The following MTMR14 variants were observed in gnomAD, a reference collection of about 807,000 sequenced individuals.
MTMR14 encodes phosphatidylinositol-3,5-bisphosphate 3-phosphatase MTMR14.
A neutral mutation model predicts 86.3 loss-of-function variants in MTMR14; 48 were observed. The ratio of observed to expected loss-of-function variants is 0.56; its 90% CI spans 0.44 to 0.71. The LOEUF (loss-of-function observed/expected upper bound fraction) is 0.71. MTMR14 is among the 30% of genes least tolerant of loss of function. The probability of loss-of-function intolerance (pLI) is 0.00; values close to 1 mark genes in which losing one functional copy is unlikely to be tolerated. For missense variants in MTMR14, 780 were observed against 834.6 expected (o/e 0.93, Z 0.81); for synonymous variants, 366 against 326.1 (o/e 1.12, Z -1.32).
Position 9,689,013 on chromosome 3 carries a change from G to C in MTMR14, c.1364G>C (p.Gly455Ala), listed in dbSNP as rs1402655060. The change falls in exon 16 of 19, where the codon GGA (glycine) becomes GCA (alanine). Residue 455 changes from glycine to alanine, a missense_variant. Transcript: ENST00000296003. ...DFSLVMESSP[G>A]ATGSFTYEAV... is the part of the protein sequence containing the mutation. ...TCCCTGGTCATGGAGAGTTCCCCAGGAGCCACTGGGAGCTTCACCTATGAG... is the reference window on the plus strand; with the variant it reads ...TCCCTGGTCATGGAGAGTTCCCCAGCAGCCACTGGGAGCTTCACCTATGAG... The C allele has an allele frequency of 1.1e-5, 17 of 1,613,832 alleles. No individual in the cohort carries two copies. The highest frequency in any genetic ancestry group is 1.2e-5 in the Non-Finnish European group (14 of 1,180,044).
intron 9 of MTMR14, among the ~76,000 whole-genome samples, chr3:9,681,019 C>A (rs535461627): frequency 6.6e-6 from 1 of 152,202 alleles, no homozygotes; most frequent in Non-Finnish European, 1.5e-5. Context: ...CATATGGTTA[C>A]ACAGCATCCT....
chr3:9,654,850 C>T (rs2047505875), intron 2 of MTMR14, among the ~76,000 whole-genome samples: 1 of 152,160 alleles, frequency 6.6e-6, no homozygotes, highest in African/African-American at 2.4e-5. Flanking sequence ...GAATGCACTA[C>T]CAGGTTTGAG....
chr3:9,674,339 T>C (rs2048736532), intron 7 of MTMR14, among the ~76,000 whole-genome samples: 1 of 152,228 alleles, frequency 6.6e-6, no homozygotes, highest in South Asian at 2.1e-4. Flanking sequence ...TTTCTAATAA[T>C]TGGTCATTAG....
chr3:9,681,863 C>T (rs541998768), intron 9 of MTMR14, among the ~76,000 whole-genome samples: 19 of 149,100 alleles, frequency 1.3e-4, no homozygotes, highest in African/African-American at 4.1e-4. Context: ...GGCCCTCTAC[C>T]AGCCCAGCCC....
intron 1 of MTMR14, chr3:9,650,345 C>G (rs2047208779): frequency 2.2e-6 from 1 of 456,652 alleles, no homozygotes; most frequent in Non-Finnish European, 4.4e-6. Context: ...ATCGCCAGAC[C>G]TGGAGGGCTT....
chr3:9,686,503 C>A (rs1431422422), intron 13 of MTMR14, among the ~76,000 whole-genome samples: 1 of 152,198 alleles, frequency 6.6e-6, no homozygotes, highest in African/African-American at 2.4e-5. Flanking sequence ...CCAGACAATC[C>A]AGACACTGAT....
chr3:9,688,677 C>A lies in MTMR14; in HGVS notation c.1236-19C>A. 1 of 1,614,096 alleles carries A rather than the reference C, an allele frequency of 6.2e-7. No individual in the cohort carries two copies. Among genetic ancestry groups the A allele is most frequent in the South Asian group, 1.1e-5 (1 of 91,080 alleles). On this transcript the variant is annotated intron_variant, in intron 14 of 18. Transcript: ENST00000296003. ...CCCCAGATAGATCTGGAATTTACTG[C>A]TCCGGCTTCCATTTCTAGGAGGAAG...
Position 9,701,219 on chromosome 3 carries a change from C to T in MTMR14, c.1770-571C>T, listed in dbSNP as rs774498928. The T allele has an allele frequency of 6.1e-6, 1 of 163,640 alleles. No homozygotes were observed. The highest frequency in any genetic ancestry group is 1.3e-5 in the Non-Finnish European group (1 of 74,596). 10.1% of individuals were successfully genotyped at this position (163,640 alleles called of 1,614,324 possible). A position where few individuals can be genotyped will look rare whatever the true frequency, so the allele number is the denominator to read the frequency against. Reference sequence around the variant, plus strand: ...AGAGAGCTGCTGGGGCAAATTCCCTCCTGCTTAGCTACCCTCCTTCCCAGT... The same window carrying T: ...AGAGAGCTGCTGGGGCAAATTCCCTTCTGCTTAGCTACCCTCCTTCCCAGT... On this transcript the variant is annotated intron_variant, in intron 18 of 18. Coordinates refer to ENST00000296003, the MANE Select transcript of MTMR14 (RefSeq NM_001077525.3). The surrounding 1 kb of genome is among the most constrained non-coding windows in gnomAD (Gnocchi z 4.2).
Position 9,688,926 on chromosome 3 carries a change from G to A in MTMR14, c.1295-18G>A. 5 of 1,613,922 alleles carry A rather than the reference G, an allele frequency of 3.1e-6. No individual in the cohort carries two copies. Among genetic ancestry groups the A allele is most frequent in the Non-Finnish European group, 4.2e-6 (5 of 1,180,008 alleles). ...GGGAGAAGGTAACACGCTGACTGAT[G>A]GCACTGGCTTCTTTTAGGACGAAAG... On this transcript the variant is annotated intron_variant, in intron 15 of 18. Coordinates refer to ENST00000296003, the MANE Select transcript of MTMR14 (RefSeq NM_001077525.3).
rs1182992532 is a variant in MTMR14 at position 9,694,489 on chromosome 3, TTAGA to T, written c.1614-3212_1614-3209del. Among the ~76,000 whole-genome samples the T allele has an allele frequency of 4.0e-5, 6 of 151,626 alleles. No homozygotes were observed. The South Asian group carries it at 6.2e-4, about 16-fold the overall frequency. ...AGACCTTGCCAATACAAAAGATAGA[TTAGA>T]TAGATAGATTGGATGGATGGATGGA... is the stretch of plus-strand genomic sequence containing the variant. On this transcript the variant is annotated intron_variant, in intron 17 of 18. Transcript: ENST00000296003.
At chr3:9,690,295 A>G (rs888426788) in intron 17 of MTMR14, 152 bp downstream of exon 17, 8 of 891,910 alleles carry the variant, frequency 9.0e-6, no homozygotes, top group Non-Finnish European at 1.4e-5. Flanking sequence ...AGTGTTTGGT[A>G]ATAAAGCAAG....
rs2048624993 is a variant in MTMR14, at chr3:9,672,538, GTA to G, written c.678-146_678-145del. 8 of 741,900 alleles carry G rather than the reference GTA, an allele frequency of 1.1e-5. No homozygotes were observed. In the Admixed American group the frequency reaches 1.6e-4, roughly 15 times the overall value. 46.0% of individuals were successfully genotyped at this position (741,900 alleles called of 1,614,324 possible). On this transcript the variant is annotated intron_variant, in intron 6 of 18. Transcript: ENST00000296003. Reference sequence around the variant, plus strand: ...AAGTTATAGTTCTTAATTGTACAAAGTAGGCACTGCTGAAGGGAATTATTAAC... The same window carrying G: ...AAGTTATAGTTCTTAATTGTACAAAGGGCACTGCTGAAGGGAATTATTAAC...
intron 9 of MTMR14, among the ~76,000 whole-genome samples, chr3:9,679,530 C>T (rs1277123759): frequency 6.6e-6 from 1 of 152,154 alleles, no homozygotes; most frequent in East Asian, 1.9e-4. Flanking sequence ...AGGCACTGGT[C>T]CCAAGGATGT....
At chr3:9,675,725 C>G in intron 7 of MTMR14, 1 of 456,728 alleles carries the variant, frequency 2.2e-6, no homozygotes, top group Non-Finnish European at 4.4e-6. Context: ...TTCTGTTTCT[C>G]ACAAAAACTG....
intron 16 of MTMR14, 114 bp downstream of exon 16, chr3:9,689,196 G>C: frequency 6.8e-7 from 1 of 1,470,722 alleles, no homozygotes; most frequent in Non-Finnish European, 9.2e-7. Context: ...GAAGAGCTGA[G>C]AGGATAGCTC....
chr3:9,701,930 C>G lies in MTMR14; in HGVS notation c.1910C>G (p.Ala637Gly). ...ATCGGGGGCCTGCTGGAGCAATTTG[C>G]CCGTGGTGTTGGACTCCGGAGCATC... ...GAIGGLLEQFARGVGLRSISS... is the reference protein window; with the variant it reads ...GAIGGLLEQFGRGVGLRSISS... Residue 637 changes from alanine (A) to glycine (G), a missense_variant, in exon 19 of 19, where the codon GCC (alanine) becomes GGC (glycine). Coordinates refer to ENST00000296003, the MANE Select transcript of MTMR14 (RefSeq NM_001077525.3). This position sits in a 1 kb window ranked among gnomAD's most constrained non-coding sequence, Gnocchi z 4.2. 2 of 1,614,204 alleles carry G rather than the reference C, an allele frequency of 1.2e-6. No individual in the cohort carries two copies. The highest frequency in any genetic ancestry group is 2.2e-5 in the South Asian group (2 of 91,086).
chr3:9,676,475 T>G (rs1157893490), intron 7 of MTMR14, among the ~76,000 whole-genome samples: 1 of 152,252 alleles, frequency 6.6e-6, no homozygotes, highest in African/African-American at 2.4e-5. Context: ...CTTGTTGCAG[T>G]GGCAGCGTGA....
At chr3:9,653,794 A>G (rs2124941256) in intron 2 of MTMR14, 25 bp downstream of exon 2, 5 of 1,614,082 alleles carry the variant, frequency 3.1e-6, no homozygotes, top group Non-Finnish European at 4.2e-6. Flanking sequence ...ACCGTAGTGT[A>G]CATGTCTGGG....
chr3:9,670,233 A>C (rs1375811189), intron 5 of MTMR14, among the ~76,000 whole-genome samples: 2 of 152,244 alleles, frequency 1.3e-5, no homozygotes. Flanking sequence ...ATGAAAGGGC[A>C]TCTTGCTATG....
Sources: gnomAD v4.1 joint callset for allele counts (sites outside exome capture counted in the v4.1 genomes callset) on GRCh38, gnomAD v4.1.1 for gene constraint, Gnocchi (gnomAD v3.1) non-coding constraint, MANE v1.5 for transcripts, NCBI Gene and HGNC (gene_info 2026-07-23, HGNC 2026-07-21) for gene names.